The following MAPK7 variants were observed in gnomAD, a reference collection of about 807,000 sequenced individuals.
MAPK7 encodes BMK-1.
MAPK7 carries 30 observed loss-of-function variants against 56.9 expected under a neutral mutation model. The ratio of observed to expected loss-of-function variants is 0.53; its 90% CI spans 0.39 to 0.72. MAPK7 has a LOEUF of 0.72. MAPK7 is among the 30% of genes least tolerant of loss of function. The probability of loss-of-function intolerance (pLI) is 0.00; values close to 1 mark genes in which losing one functional copy is unlikely to be tolerated. For missense variants in MAPK7, 952 were observed against 1,110.8 expected (o/e 0.86, Z 2.03); for synonymous variants, 516 against 449.3 (o/e 1.15, Z -1.88).
In MAPK7 at chr17:19,379,916, C is replaced by T. The variant is rs778773876; in HGVS notation, c.367C>T (p.Pro123Ser). ...NIIAIKDILR[P>S]TVPYGEFKSV... ...CATCGCCATCAAGGACATCCTGAGGCCCACCGTGCCCTATGGCGAATTCAA... is the reference window on the plus strand; with the variant it reads ...CATCGCCATCAAGGACATCCTGAGGTCCACCGTGCCCTATGGCGAATTCAA... Residue 123 changes from proline (P) to serine (S), a missense_variant, in exon 3 of 7, where the codon CCC (proline) becomes TCC (serine). Coordinates refer to ENST00000395604, the MANE Select transcript of MAPK7 (RefSeq NM_002749.4). 2.5e-6 allele frequency: 4 copies of T among 1,614,016 alleles called. No homozygotes were observed. The highest frequency in any genetic ancestry group is 3.3e-5 in the Admixed American group (2 of 59,996).
At chr17:19,383,010 A>C in intron 6 of MAPK7, 64 bp downstream of exon 6, 1 of 1,611,046 alleles carries the variant, frequency 6.2e-7, no homozygotes. Flanking sequence ...TGCAGGAGAC[A>C]TGCACCTGTG....
chr17:19,377,780 G>A, upstream of MAPK7: 1 of 962,584 alleles, frequency 1.0e-6, no homozygotes, highest in Non-Finnish European at 1.2e-6. Context: ...AGCAGAGGTT[G>A]GGCGGCCGCC....
In MAPK7 at chr17:19,381,178, G is replaced by T. The variant is rs772345089; in HGVS notation, c.969G>T (p.Leu323=). The T allele has an allele frequency of 1.2e-6, 2 of 1,613,986 alleles. No individual in the cohort carries two copies. Among genetic ancestry groups the T allele is most frequent in the African/African-American group, 2.7e-5 (2 of 74,936 alleles). ...GTGCCGACCGCCAGGCCCTATCACT[G>T]CTGGGTCGCATGCTGCGTTTTGAGC... The part of the protein sequence containing the change: ...YPGADRQALS[L]LGRMLRFEPS... The change falls in exon 4 of 7, where the codon CTG becomes CTT. Residue 323 remains leucine (L), a synonymous_variant. Coordinates refer to ENST00000395604, the MANE Select transcript of MAPK7 (RefSeq NM_002749.4). The surrounding 1 kb of genome is among the most constrained non-coding windows in gnomAD (Gnocchi z 4.6).
chr17:19,381,382 G>A lies in MAPK7; in HGVS notation c.1173G>A (p.Arg391=). 1 of 1,614,156 alleles carries A rather than the reference G, an allele frequency of 6.2e-7. No individual in the cohort carries two copies. The highest frequency in any genetic ancestry group is 8.5e-7 in the Non-Finnish European group (1 of 1,180,050). ...CTGAAATTGAGGACTTCCATGCAAG[G>A]CGTGAGGGCATCCGCCAACAGATCC... ...IVAEIEDFHA[R]REGIRQQIRF... Residue 391 remains arginine (R), a synonymous_variant, in exon 4 of 7, where the codon AGG becomes AGA. Coordinates refer to ENST00000395604, the MANE Select transcript of MAPK7 (RefSeq NM_002749.4). This position sits in a 1 kb window ranked among gnomAD's most constrained non-coding sequence, Gnocchi z 4.6.
Position 19,379,109 on chromosome 17 carries a change from C to T in MAPK7, c.209C>T (p.Ser70Phe). ...TIGNGAYGVV[S>F]SARRRLTGQQ... is the part of the protein sequence containing the mutation. ...GGCAACGGGGCCTATGGAGTGGTGT[C>T]CTCCGCCCGCCGCCGCCTCACCGGT... Residue 70 changes from serine to phenylalanine, a missense_variant, in exon 2 of 7, where the codon TCC becomes TTC. Ser to Phe is a radical substitution (Grantham distance 155, BLOSUM62 -2). Around this residue, in one of 5 missense-constraint regions of MAPK7, gnomAD observed 213 missense variants for 243.2 expected, o/e 0.88. Transcript: ENST00000395604. The T allele has an allele frequency of 1.2e-6, 2 of 1,611,802 alleles. No individual in the cohort carries two copies. Among genetic ancestry groups the T allele is most frequent in the Non-Finnish European group, 8.5e-7 (1 of 1,179,670 alleles).
rs779857373 is a variant in MAPK7 at position 19,381,777 on chromosome 17, G to A, written c.1478-4G>A. Reference sequence around the variant, plus strand: ...ACCTTCTCCCCTGCCCAACTTCCCCGCAGATGGCCCCAGCGCACCCCTGGA... The same window carrying A: ...ACCTTCTCCCCTGCCCAACTTCCCCACAGATGGCCCCAGCGCACCCCTGGA... On this transcript the variant is annotated splice_polypyrimidine_tract_variant and splice_region_variant and intron_variant, in intron 4 of 6. Transcript: ENST00000395604. This position sits in a 1 kb window ranked among gnomAD's most constrained non-coding sequence, Gnocchi z 4.6. 5 of 1,538,164 alleles carry A rather than the reference G, an allele frequency of 3.3e-6. No individual in the cohort carries two copies. Among genetic ancestry groups the A allele is most frequent in the African/African-American group, 2.8e-5 (2 of 72,304 alleles).
Position 19,381,258 on chromosome 17 carries a change from A to G in MAPK7, c.1049A>G (p.Tyr350Cys). ...CTTCGCCACCCTTTCCTGGCCAAGT[A>G]CCATGATCCTGATGATGAGCCTGAC... ...AALRHPFLAK[Y>C]HDPDDEPDCA... Residue 350 changes from tyrosine (Y) to cysteine (C), a missense_variant, in exon 4 of 7, where the codon TAC (tyrosine) becomes TGC (cysteine). By Grantham distance (194) the Tyr-to-Cys change is radical. This residue lies in a region of MAPK7 where 429 missense variants were observed against 533.0 expected (regional missense o/e 0.80). Transcript: ENST00000395604. This position sits in a 1 kb window ranked among gnomAD's most constrained non-coding sequence, Gnocchi z 4.6. 1.2e-6 allele frequency: 2 copies of G among 1,614,056 alleles called. No individual in the cohort carries two copies. The highest frequency in any genetic ancestry group is 1.7e-6 in the Non-Finnish European group (2 of 1,180,040).
chr17:19,383,346 C>CA lies in MAPK7; in HGVS notation c.*116dup. 1 of 1,205,402 alleles carries CA rather than the reference C, an allele frequency of 8.3e-7. No individual in the cohort carries two copies. Among genetic ancestry groups the CA allele is most frequent in the Non-Finnish European group, 1.1e-6 (1 of 870,496 alleles). 74.7% of individuals were successfully genotyped at this position (1,205,402 alleles called of 1,614,324 possible). ...GTGAGGCTCGGCTTGGATTATTCTG[C>CA]AGGTTCATCTCAGACCCACCTTTCA... On this transcript the variant is annotated 3_prime_UTR_variant, in exon 7 of 7. Transcript: ENST00000395604.
Position 19,381,247 on chromosome 17 carries a change from C to T in MAPK7, c.1038C>T (p.Phe346=). The change falls in exon 4 of 7, where the codon TTC becomes TTT. Residue 346 remains phenylalanine, a synonymous_variant. Coordinates refer to ENST00000395604, the MANE Select transcript of MAPK7 (RefSeq NM_002749.4). The surrounding 1 kb of genome is among the most constrained non-coding windows in gnomAD (Gnocchi z 4.6). ...CAGCTGCTGCCCTTCGCCACCCTTT[C>T]CTGGCCAAGTACCATGATCCTGATG... ...ISAAAALRHP[F]LAKYHDPDDE... 1 of 1,614,154 alleles carries T rather than the reference C, an allele frequency of 6.2e-7. No homozygotes were observed. Among genetic ancestry groups the T allele is most frequent in the Non-Finnish European group, 8.5e-7 (1 of 1,180,046 alleles).
rs1244952581 is a variant in MAPK7 at position 19,382,466 on chromosome 17, G to A, written c.2163G>A (p.Gln721=). ...TGACCCAGCAGCTATCTAAGTCACA[G>A]GTGAGAGGGAGGCCCAGGCCATGGG... ...NLVTQQLSKS[Q]VEDPLPPVFS... Residue 721 remains glutamine, a splice_region_variant and synonymous_variant, in exon 5 of 7, where the codon CAG becomes CAA. Coordinates refer to ENST00000395604, the MANE Select transcript of MAPK7 (RefSeq NM_002749.4). 1.9e-6 allele frequency: 3 copies of A among 1,583,770 alleles called. No individual in the cohort carries two copies. Among genetic ancestry groups the A allele is most frequent in the Non-Finnish European group, 2.6e-6 (3 of 1,163,674 alleles).
chr17:19,381,281 G>A lies in MAPK7; in HGVS notation c.1072G>A (p.Asp358Asn). 1 of 1,614,084 alleles carries A rather than the reference G, an allele frequency of 6.2e-7. No individual in the cohort carries two copies. The highest frequency in any genetic ancestry group is 8.5e-7 in the Non-Finnish European group (1 of 1,180,044). Reference sequence around the variant, plus strand: ...GTACCATGATCCTGATGATGAGCCTGACTGTGCCCCGCCCTTTGACTTTGC... The same window carrying A: ...GTACCATGATCCTGATGATGAGCCTAACTGTGCCCCGCCCTTTGACTTTGC... ...AKYHDPDDEP[D>N]CAPPFDFAFD... Residue 358 changes from aspartate to asparagine, a missense_variant, in exon 4 of 7, where the codon GAC becomes AAC. By Grantham distance (23) the Asp-to-Asn change is conservative. This residue lies in a region of MAPK7 where 429 missense variants were observed against 533.0 expected (regional missense o/e 0.80). Transcript: ENST00000395604. This position sits in a 1 kb window ranked among gnomAD's most constrained non-coding sequence, Gnocchi z 4.6.
chr17:19,377,796 T>G, upstream of MAPK7: 1 of 979,780 alleles, frequency 1.0e-6, no homozygotes, highest in Non-Finnish European at 1.2e-6. Context: ...CCGCCTCGGT[T>G]AACTCCGCTG....
upstream of MAPK7, chr17:19,378,323 C>A (rs115813185): frequency 1.4e-5 from 14 of 988,366 alleles, no homozygotes; most frequent in African/African-American, 2.4e-4. The surrounding 1 kb of genome is among the most constrained non-coding windows in gnomAD (Gnocchi z 5.4). Flanking sequence ...ACCCTTTGGG[C>A]GGCTCCCGCC....
rs1912576297 is a variant in MAPK7, at chr17:19,380,718, T to G, written c.509T>G (p.Leu170Arg). Residue 170 changes from leucine to arginine, a missense_variant, in exon 4 of 7, where the codon CTG becomes CGG. Around this residue, in one of 5 missense-constraint regions of MAPK7, gnomAD observed 213 missense variants for 243.2 expected, o/e 0.88. Transcript: ENST00000395604. ...RYFLYQLLRG[L>R]KYMHSAQVIH... ...TTCCTGTACCAACTGCTGCGGGGCC[T>G]GAAGTACATGCACTCGGCTCAGGTC... 6.2e-7 allele frequency: 1 copy of G among 1,614,062 alleles called. No homozygotes were observed. Among genetic ancestry groups the G allele is most frequent in the South Asian group, 1.1e-5 (1 of 91,076 alleles).
At position 19,379,119 on chromosome 17, in the gene MAPK7, C is replaced by T. The variant is rs367750154; in HGVS notation, c.219C>T (p.Arg73=). ...CCTATGGAGTGGTGTCCTCCGCCCG[C>T]CGCCGCCTCACCGGTGAGCTTCCTG... The part of the protein sequence containing the change: ...NGAYGVVSSA[R]RRLTGQQVAI... Residue 73 remains arginine, a synonymous_variant, in exon 2 of 7, where the codon CGC becomes CGT. Transcript: ENST00000395604. 1.3e-5 allele frequency: 21 copies of T among 1,612,758 alleles called. No individual in the cohort carries two copies. Among genetic ancestry groups the T allele is most frequent in the Non-Finnish European group, 1.8e-5 (21 of 1,179,776 alleles).
At position 19,381,532 on chromosome 17, in the gene MAPK7, C is replaced by T. The variant is rs546158832; in HGVS notation, c.1323C>T (p.Cys441=). Reference sequence around the variant, plus strand: ...CTCCACCACCAGCCCCGCCACCATGCCCCGGCCCTGCACCTGACACCATTG... The same window carrying T: ...CTCCACCACCAGCCCCGCCACCATGTCCCGGCCCTGCACCTGACACCATTG... ...MESPPPAPPP[C]PGPAPDTIDL... is the part of the protein sequence containing the mutation. Residue 441 remains cysteine, a synonymous_variant, in exon 4 of 7, where the codon TGC becomes TGT. Transcript: ENST00000395604. This position sits in a 1 kb window ranked among gnomAD's most constrained non-coding sequence, Gnocchi z 4.6. 4 of 1,613,568 alleles carry T rather than the reference C, an allele frequency of 2.5e-6. No homozygotes were observed. The Admixed American group carries it at 5.0e-5, about 20-fold the overall frequency.
At position 19,383,209 on chromosome 17, in the gene MAPK7, T is replaced by C; in HGVS notation, c.2429T>C (p.Leu810Pro). The change falls in exon 7 of 7, where the codon CTG (leucine) becomes CCG (proline). Residue 810 changes from leucine to proline, a missense_variant. By Grantham distance (98) the Leu-to-Pro change is moderately conservative (BLOSUM62 -3). This residue lies in a region of MAPK7 where 73 missense variants were observed against 104.6 expected (regional missense o/e 0.70). Coordinates refer to ENST00000395604, the MANE Select transcript of MAPK7 (RefSeq NM_002749.4). Reference protein sequence around the residue: ...QMDSPMLLADLPDLQDP With the variant: ...QMDSPMLLADPPDLQDP ...GACTCCCCAATGCTGCTGGCTGACC[T>C]GCCTGACCTCCAGGACCCCTGAGGC... is the stretch of plus-strand genomic sequence containing the variant. The C allele has an allele frequency of 6.2e-7, 1 of 1,614,060 alleles. No homozygotes were observed. The highest frequency in any genetic ancestry group is 8.5e-7 in the Non-Finnish European group (1 of 1,179,994).
Position 19,382,246 on chromosome 17 carries a change from C to T in MAPK7, c.1943C>T (p.Pro648Leu), listed in dbSNP as rs1555613564. The change falls in exon 5 of 7, where the codon CCC (proline) becomes CTC (leucine). Residue 648 changes from proline (P) to leucine (L), a missense_variant. Physicochemically the swap from Pro to Leu is moderately conservative, Grantham distance 98. This residue lies in a region of MAPK7 where 234 missense variants were observed against 210.4 expected (regional missense o/e 1.11). Coordinates refer to ENST00000395604, the MANE Select transcript of MAPK7 (RefSeq NM_002749.4). ...PAPHPTGPPG[P>L]IPVPAPPQIA... Reference sequence around the variant, plus strand: ...CCCCACCCCACTGGCCCTCCTGGGCCCATCCCTGTCCCCGCGCCACCCCAG... The same window carrying T: ...CCCCACCCCACTGGCCCTCCTGGGCTCATCCCTGTCCCCGCGCCACCCCAG... The T allele has an allele frequency of 6.2e-7, 1 of 1,612,104 alleles. No homozygotes were observed. The highest frequency in any genetic ancestry group is 2.2e-5 in the East Asian group (1 of 44,848).
At chr17:19,379,174 G>A (rs751245072) in intron 2 of MAPK7, 42 bp downstream of exon 2, 1 of 1,567,088 alleles carries the variant, frequency 6.4e-7, no homozygotes, top group Non-Finnish European at 8.7e-7. Context: ...TGGCAGCGTC[G>A]CAGGGAGTGG....
Sources: allele counts gnomAD v4.1 joint callset, GRCh38; gene constraint gnomAD v4.1.1; regional missense constraint gnomAD v4.1.1; non-coding constraint Gnocchi (gnomAD v3.1); transcripts MANE v1.5; gene names NCBI Gene and HGNC (gene_info 2026-07-23, HGNC 2026-07-21).